Variants in ARFGEF2 observed in about 807,000 individuals in gnomAD.
ARFGEF2 encodes brefeldin A-inhibited guanine nucleotide-exchange protein 2.
Under a neutral mutation model 219.9 loss-of-function variants are expected in ARFGEF2, and 74 were observed. That is an observed-to-expected ratio of 0.34 (90% CI 0.28 to 0.41). The LOEUF is 0.41. Ranked by LOEUF, ARFGEF2 falls within the 10% of genes least tolerant of loss-of-function variation. The pLI, the probability that ARFGEF2 is intolerant of heterozygous loss-of-function variation, is 1.00. For synonymous variants in ARFGEF2, 733 were observed against 799.2 expected, an observed-to-expected ratio of 0.92 and a Z score of 1.40; for missense variants, 1,743 against 2,218.3, an observed-to-expected ratio of 0.79 and a Z score of 4.30.
At chr20:48,975,800 C>CAAA (rs1057511883) in intron 13 of ARFGEF2, among the ~76,000 whole-genome samples, 7 of 112,214 alleles carry the variant, frequency 6.2e-5, no homozygotes, top group South Asian at 3.3e-4. Flanking sequence ...GACTCCATCT[C>CAAA]AAAAAAAAAA....
chr20:48,998,608 GC>G, intron 25 of ARFGEF2, 103 bp downstream of exon 25: 1 of 1,195,978 alleles, frequency 8.4e-7, no homozygotes, highest in South Asian at 1.3e-5. Context: ...TTTTTTAGAT[GC>G]CTCTAATTCA....
At chr20:49,024,404 T>G (rs1375589767) in intron 35 of ARFGEF2, among the ~76,000 whole-genome samples, 1 of 152,180 alleles carries the variant, frequency 6.6e-6, no homozygotes, top group Non-Finnish European at 1.5e-5. Flanking sequence ...TGAGGCAGGC[T>G]GGGTAAGGAT....
At position 49,034,898 on chromosome 20, in the gene ARFGEF2, A is replaced by G. The variant is rs1055951839; in HGVS notation, c.*1699A>G. On this transcript the variant is annotated 3_prime_UTR_variant, in exon 39 of 39. Transcript: ENST00000371917. The stretch of plus-strand genomic sequence containing the variant: ...TACCAAAGAAAAAATGAGCAGGTTT[A>G]GGTTTTTACATGACTTATATACATT... The G allele has an allele frequency of 1.3e-5, 2 of 152,212 alleles. No individual in the cohort carries two copies. The highest frequency in any genetic ancestry group is 2.9e-5 in the Non-Finnish European group (2 of 68,036). 9.4% of individuals were successfully genotyped at this position (152,212 alleles called of 1,614,324 possible). A position where few individuals can be genotyped will look rare whatever the true frequency, so the allele number is the denominator to read the frequency against.
chr20:48,961,767 G>A (rs2091153941), intron 6 of ARFGEF2, among the ~76,000 whole-genome samples: 1 of 151,978 alleles, frequency 6.6e-6, no homozygotes, highest in Non-Finnish European at 1.5e-5. Flanking sequence ...AGGAGGCTGA[G>A]GCAGGAGAAT....
rs377150832 is a variant in ARFGEF2 at position 49,023,009 on chromosome 20, G to A, written c.4625-42G>A. ...GCTCAGTGGATATTTCTTCAGTATT[G>A]GCTGAATCATTATTAGGGTTAATCT... On this transcript the variant is annotated intron_variant, in intron 34 of 38. Coordinates refer to ENST00000371917, the MANE Select transcript of ARFGEF2 (RefSeq NM_006420.3). 3.1e-6 allele frequency: 5 copies of A among 1,612,740 alleles called. No homozygotes were observed. The African/African-American group carries it at 6.7e-5, about 22-fold the overall frequency.
intron 7 of ARFGEF2, among the ~76,000 whole-genome samples, chr20:48,964,844 A>T (rs2091177840): frequency 6.6e-6 from 1 of 152,182 alleles, no homozygotes; most frequent in African/African-American, 2.4e-5. Context: ...GCTTTTTTTT[A>T]AATGAAAGAG....
At chr20:48,958,601 T>C (rs1458649821) in intron 6 of ARFGEF2, among the ~76,000 whole-genome samples, 11 of 133,226 alleles carry the variant, frequency 8.3e-5, no homozygotes, top group Non-Finnish European at 8.0e-5. Context: ...TACGCCTGGC[T>C]AATTTTTTTT....
chr20:48,969,001 C>A, intron 8 of ARFGEF2, 146 bp from the exon 9 acceptor site: 1 of 749,432 alleles, frequency 1.3e-6, no homozygotes. Context: ...CACTATGTTC[C>A]CCAGATTGGA....
intron 6 of ARFGEF2, among the ~76,000 whole-genome samples, chr20:48,955,532 A>AT (rs1455273254): frequency 5.3e-5 from 8 of 152,204 alleles, no homozygotes; most frequent in African/African-American, 1.9e-4. Context: ...GAGCAAATAC[A>AT]TTTTTTGAAT....
At chr20:49,015,360 C>T (rs755989894) in intron 30 of ARFGEF2, among the ~76,000 whole-genome samples, 3 of 152,140 alleles carry the variant, frequency 2.0e-5, no homozygotes, top group Admixed American at 6.6e-5. Flanking sequence ...GTGATCCACC[C>T]GCCTCAGCCT....
chr20:48,948,966 T>C lies in ARFGEF2; in HGVS notation c.277-2357T>C, dbSNP rs963690112. On this transcript the variant is annotated intron_variant, in intron 3 of 38. Transcript: ENST00000371917. ...AGCTTTGGTGCACCTCCCTGGAGAA[T>C]ATAGACTCTATAAGAAAAATAATTA... 2.6e-5 allele frequency among the ~76,000 whole-genome samples: 4 copies of C among 152,238 alleles called. No individual in the cohort carries two copies. The East Asian group carries it at 7.7e-4, about 29-fold the overall frequency.
intron 9 of ARFGEF2, 57 bp downstream of exon 9, chr20:48,969,334 A>G (rs1600620548): frequency 6.2e-7 from 1 of 1,613,128 alleles, no homozygotes; most frequent in East Asian, 2.2e-5. Context: ...AGCACATGGT[A>G]CTGTGTTTCA....
At position 48,969,204 on chromosome 20, in the gene ARFGEF2, G is replaced by A. The variant is rs2091210261; in HGVS notation, c.1117G>A (p.Asp373Asn). The A allele has an allele frequency of 6.2e-7, 1 of 1,614,076 alleles. No individual in the cohort carries two copies. Among genetic ancestry groups the A allele is most frequent in the African/African-American group, 1.3e-5 (1 of 74,918 alleles). Residue 373 changes from aspartate to asparagine, a missense_variant, in exon 9 of 39, where the codon GAT (aspartate) becomes AAT (asparagine). Transcript: ENST00000371917. ...AARFSHVLQKDAFLVFRSLCK... is the reference protein window; with the variant it reads ...AARFSHVLQKNAFLVFRSLCK... Reference sequence around the variant, plus strand: ...CAGGTTCTCCCACGTTCTGCAGAAGGATGCCTTCCTTGTGTTCCGCTCCCT... The same window carrying A: ...CAGGTTCTCCCACGTTCTGCAGAAGAATGCCTTCCTTGTGTTCCGCTCCCT...
In ARFGEF2 at chr20:48,992,869, C is replaced by T. The variant is rs114963390; in HGVS notation, c.2974-1582C>T. ...ACCAGCCTGGGCAACATAGCAAGAC[C>T]CCATATCTTTAAAAAAAAATTATTT... On this transcript the variant is annotated intron_variant, in intron 21 of 38. Coordinates refer to ENST00000371917, the MANE Select transcript of ARFGEF2 (RefSeq NM_006420.3). Among the ~76,000 whole-genome samples the T allele has an allele frequency of 7.7e-3, 1,164 of 152,040 alleles. 16 individuals carry two copies. Among genetic ancestry groups the T allele is most frequent in the African/African-American group, 0.027 (1,110 of 41,446 alleles).
At chr20:49,026,584 CTTTTT>C (rs540361594) in intron 36 of ARFGEF2, among the ~76,000 whole-genome samples, 1 of 131,556 alleles carries the variant, frequency 7.6e-6, no homozygotes, top group Non-Finnish European at 1.6e-5. Context: ...TTTACCATTA[CTTTTT>C]TTTTTTTTTT....
intron 26 of ARFGEF2, among the ~76,000 whole-genome samples, chr20:49,009,064 T>C (rs2091480639): frequency 6.6e-6 from 1 of 152,214 alleles, no homozygotes; most frequent in Non-Finnish European, 1.5e-5. Flanking sequence ...TATCATCATA[T>C]CTTTCTTTTA....
At chr20:49,016,227 C>T in intron 30 of ARFGEF2, 53 bp from the exon 31 acceptor site, 1 of 1,598,842 alleles carries the variant, frequency 6.3e-7, no homozygotes, top group Non-Finnish European at 8.6e-7. Context: ...ACAAGAATGC[C>T]CATCTCACTG....
At chr20:48,942,483 T>C (rs1450157630) in intron 3 of ARFGEF2, among the ~76,000 whole-genome samples, 2 of 139,302 alleles carry the variant, frequency 1.4e-5, no homozygotes, top group Non-Finnish European at 3.1e-5. Context: ...GTTTTTTTTT[T>C]TTTTTTTTTT....
At chr20:48,947,883 C>T in intron 3 of ARFGEF2, among the ~76,000 whole-genome samples, 1 of 152,170 alleles carries the variant, frequency 6.6e-6, no homozygotes, top group South Asian at 2.1e-4. Flanking sequence ...AAATAAATTA[C>T]ATATATTGTA....
Sources: allele counts gnomAD v4.1 joint callset (sites outside exome capture counted in the v4.1 genomes callset), GRCh38; gene constraint gnomAD v4.1.1; transcripts MANE v1.5; gene names NCBI Gene and HGNC (gene_info 2026-07-23, HGNC 2026-07-21).